ANK2: variants seen among roughly 807,000 people sequenced by gnomAD.
The protein encoded by ANK2 is ankyrin 2, also known as ankyrin-2.
ANK2 carries 83 observed loss-of-function variants against 360.5 expected under a neutral mutation model. The ratio of observed to expected loss-of-function variants is 0.23; its 90% CI spans 0.19 to 0.28. ANK2 has a LOEUF of 0.28. Ranked by LOEUF, ANK2 falls within the 10% of genes least tolerant of loss-of-function variation. The probability of loss-of-function intolerance (pLI) is 1.00; values close to 1 mark genes in which losing one functional copy is unlikely to be tolerated. For missense variants in ANK2, 4,201 were observed against 4,795.7 expected, an observed-to-expected ratio of 0.88 and a Z score of 3.66; for synonymous variants, 1,740 against 1,759.5, an observed-to-expected ratio of 0.99 and a Z score of 0.28.
intron 1 of ANK2, among the ~76,000 whole-genome samples, chr4:113,057,572 T>C (rs1340003201): frequency 2.0e-5 from 3 of 152,188 alleles, no homozygotes; most frequent in Admixed American, 2.0e-4. Flanking sequence ...CCATCTTGTT[T>C]TGATGACTGA....
At chr4:112,861,839 C>CAGAGAGAGAGACAGAGAGAG (rs2068129223) in intron 1 of ANK2, among the ~76,000 whole-genome samples, 2 of 140,406 alleles carry the variant, frequency 1.4e-5, no homozygotes, top group African/African-American at 5.3e-5. Context: ...TACATAGAGA[C>CAGAGAGAGAGACAGAGAGAG]AGAGAGAGAG....
intron 1 of ANK2, among the ~76,000 whole-genome samples, chr4:113,106,590 A>G (rs1414217474): frequency 2.0e-5 from 3 of 152,216 alleles, no homozygotes. Flanking sequence ...ATATATAAGC[A>G]GAATGATGCC....
intron 1 of ANK2, chr4:113,151,081 T>C (rs1297213313): frequency 1.6e-6 from 2 of 1,288,546 alleles, no homozygotes; most frequent in African/African-American, 3.0e-5. Context: ...CCACTACAGG[T>C]GACATGCCCC....
chr4:112,946,054 A>G (rs1009237717), intron 2 of ANK2, among the ~76,000 whole-genome samples: 1 of 152,168 alleles, frequency 6.6e-6, no homozygotes, highest in East Asian at 1.9e-4. Flanking sequence ...CATGCTCATA[A>G]TCTTAGTAGA....
At chr4:113,315,337 G>A (rs956038551) in intron 24 of ANK2, among the ~76,000 whole-genome samples, 3 of 152,180 alleles carry the variant, frequency 2.0e-5, no homozygotes, top group Admixed American at 6.5e-5. Flanking sequence ...AGTGGCAATT[G>A]AGACCTGATT....
intron 2 of ANK2, among the ~76,000 whole-genome samples, chr4:112,906,271 T>C (rs1274625133): frequency 6.6e-6 from 1 of 152,144 alleles, no homozygotes; most frequent in Non-Finnish European, 1.5e-5. Context: ...TACATATAAA[T>C]GTCCTCAGTA....
chr4:113,000,655 G>GTAGA (rs2050274895), intron 2 of ANK2, among the ~76,000 whole-genome samples: 1 of 152,182 alleles, frequency 6.6e-6, no homozygotes, highest in Admixed American at 6.5e-5. Context: ...GTTGAACATG[G>GTAGA]TAGATAGAGT....
At chr4:112,808,481 A>G in the ANK2 span, among the ~76,000 whole-genome samples, 1 of 152,232 alleles carries the variant, frequency 6.6e-6, no homozygotes, top group South Asian at 2.1e-4. Context: ...ATGATACAAT[A>G]CAAAGAAGAA....
the ANK2 span, chr4:112,797,425 TTTG>T: frequency 3.2e-5 from 5 of 154,770 alleles, no homozygotes; most frequent in African/African-American, 4.8e-5. Context: ...TGGGTAAATT[TTTG>T]TTCCAACTCC....
intron 31 of ANK2, among the ~76,000 whole-genome samples, chr4:113,338,086 A>G (rs186504184): frequency 3.3e-5 from 5 of 152,334 alleles, no homozygotes; most frequent in Non-Finnish European, 5.9e-5. Context: ...TTAATTGTTT[A>G]AATACCTAGA....
the ANK2 span, among the ~76,000 whole-genome samples, chr4:112,783,356 G>A: frequency 6.6e-6 from 1 of 152,120 alleles, no homozygotes; most frequent in African/African-American, 2.4e-5. Context: ...CATGAGATTG[G>A]TGTTTTTCTA....
At chr4:113,097,838 A>G (rs1326714808) in intron 1 of ANK2, among the ~76,000 whole-genome samples, 2 of 95,308 alleles carry the variant, frequency 2.1e-5, no homozygotes, top group Non-Finnish European at 3.9e-5. Context: ...TCTTGTATAT[A>G]TATGTGTGTG....
intron 2 of ANK2, among the ~76,000 whole-genome samples, chr4:113,035,414 G>T (rs951868093): frequency 4.0e-5 from 6 of 151,808 alleles, no homozygotes; most frequent in African/African-American, 1.4e-4. Flanking sequence ...TGAAAGAAAA[G>T]AAAATAGGTA....
At chr4:113,332,139 T>A (rs1370407735) in intron 28 of ANK2, 69 bp downstream of exon 28, 1 of 1,384,346 alleles carries the variant, frequency 7.2e-7, no homozygotes, top group Non-Finnish European at 1.0e-6. Context: ...GCAATATGAT[T>A]TCTCTTTTTT....
chr4:112,898,534 A>G (rs2082367521), intron 1 of ANK2, among the ~76,000 whole-genome samples: 1 of 152,182 alleles, frequency 6.6e-6, no homozygotes, highest in African/African-American at 2.4e-5. Flanking sequence ...CACTGTGAAC[A>G]TGACAGTGCT....
intron 2 of ANK2, among the ~76,000 whole-genome samples, chr4:113,189,210 T>C (rs2098606732): frequency 6.6e-6 from 1 of 152,176 alleles, no homozygotes; most frequent in Non-Finnish European, 1.5e-5. Context: ...AAACACCATT[T>C]ATAGGAATTA....
the ANK2 span, among the ~76,000 whole-genome samples, chr4:112,784,028 A>C: frequency 1.3e-5 from 2 of 152,170 alleles, no homozygotes; most frequent in Non-Finnish European, 2.9e-5. Flanking sequence ...ACATGAACTA[A>C]AGCTAAACTA....
chr4:113,105,801 ATGTGTGTAAG>A (rs1581721569), intron 1 of ANK2, among the ~76,000 whole-genome samples: 1 of 152,202 alleles, frequency 6.6e-6, no homozygotes, highest in East Asian at 1.9e-4. Context: ...TATTACTCAA[ATGTGTGTAAG>A]ACTAGATTTA....
chr4:113,004,212 T>G (rs1335960838), intron 2 of ANK2, among the ~76,000 whole-genome samples: 3 of 152,230 alleles, frequency 2.0e-5, no homozygotes, highest in Non-Finnish European at 2.9e-5. Context: ...CTTAGCTTAC[T>G]GTAACTTTTT....
Sources: gnomAD v4.1 joint callset for allele counts (sites outside exome capture counted in the v4.1 genomes callset) on GRCh38, gnomAD v4.1.1 for gene constraint, MANE v1.5 for transcripts, NCBI Gene and HGNC (gene_info 2026-07-23, HGNC 2026-07-21) for gene names.